TSHZ2: variants seen among roughly 807,000 people sequenced by gnomAD.
TSHZ2 encodes teashirt homolog 2.
Under a neutral mutation model 74.4 loss-of-function variants are expected in TSHZ2, and 21 were observed. The observed-to-expected ratio is 0.28, with a 90% CI of 0.20 to 0.41. TSHZ2 has a LOEUF of 0.41. TSHZ2 is among the 10% of genes least tolerant of loss of function. The probability of loss-of-function intolerance (pLI) is 1.00; values close to 1 mark genes in which losing one functional copy is unlikely to be tolerated. For synonymous variants in TSHZ2, 540 were observed against 515.3 expected, an observed-to-expected ratio of 1.05 and a Z score of -0.65; for missense variants, 1,244 against 1,293.5, an observed-to-expected ratio of 0.96 and a Z score of 0.59.
rs1190224523 is a variant in TSHZ2, at chr20:53,489,660, A to G, written c.*2525A>G. 6.5e-6 allele frequency: 1 copy of G among 154,952 alleles called. No homozygotes were observed. The highest frequency in any genetic ancestry group is 1.4e-5 in the Non-Finnish European group (1 of 69,780). The allele number at this position is 154,952 out of a possible 1,614,324, so 9.6% of individuals were successfully genotyped here. ...ATATGGTTTTGTTAGCGTAATTTCT[A>G]TGGTGGGTGGGGTGGGAGGTGAGAG... On this transcript the variant is annotated 3_prime_UTR_variant, in exon 3 of 3. Transcript: ENST00000371497.
At chr20:53,309,253 G>A (rs1242220103) in intron 2 of TSHZ2, among the ~76,000 whole-genome samples, 1 of 152,080 alleles carries the variant, frequency 6.6e-6, no homozygotes, top group Non-Finnish European at 1.5e-5. Flanking sequence ...CAGATTGTTG[G>A]GCTACTTCAA....
chr20:53,077,293 C>T (rs1395210324), intron 1 of TSHZ2, among the ~76,000 whole-genome samples: 1 of 151,754 alleles, frequency 6.6e-6, no homozygotes, highest in South Asian at 2.1e-4. Context: ...TGCGTGTAAT[C>T]CCAGCTACTT....
At chr20:53,079,295 T>C (rs1180609838) in intron 1 of TSHZ2, among the ~76,000 whole-genome samples, 2 of 152,026 alleles carry the variant, frequency 1.3e-5, no homozygotes, top group African/African-American at 2.4e-5. Context: ...AGTAGACCAA[T>C]GGGAGGAGAA....
At chr20:53,386,892 T>TA (rs397781715) in intron 2 of TSHZ2, among the ~76,000 whole-genome samples, 8 of 151,962 alleles carry the variant, frequency 5.3e-5, no homozygotes, top group Non-Finnish European at 1.2e-4. Flanking sequence ...TTTTTTTTTT[T>TA]AAATGAAATG....
chr20:53,232,762 G>A (rs1471654026), intron 1 of TSHZ2, among the ~76,000 whole-genome samples: 2 of 152,012 alleles, frequency 1.3e-5, no homozygotes, highest in African/African-American at 2.4e-5. Context: ...TGTTCTGTAT[G>A]GTCTGTTGTA....
At chr20:53,161,708 C>T (rs116505968) in intron 1 of TSHZ2, among the ~76,000 whole-genome samples, 185 of 152,262 alleles carry the variant, frequency 1.2e-3, no homozygotes, top group African/African-American at 4.2e-3. Context: ...GGAATCCGCC[C>T]GCATGATACC....
intron 1 of TSHZ2, among the ~76,000 whole-genome samples, chr20:53,013,046 T>TA (rs1224779502): frequency 1.3e-5 from 2 of 152,210 alleles, no homozygotes; most frequent in African/African-American, 2.4e-5. Context: ...TTTTACTTGA[T>TA]AAAAAATTCA....
chr20:53,293,059 G>A (rs1159556375), intron 2 of TSHZ2, among the ~76,000 whole-genome samples: 1 of 152,190 alleles, frequency 6.6e-6, no homozygotes. Context: ...TTGAAAACAA[G>A]AGCAAGAATT....
intron 2 of TSHZ2, among the ~76,000 whole-genome samples, chr20:53,469,662 A>G (rs1332411781): frequency 3.1e-5 from 2 of 63,966 alleles, no homozygotes; most frequent in Non-Finnish European, 3.3e-5. Flanking sequence ...GGAAGGAAGG[A>G]AGGAAGGAAG....
intron 2 of TSHZ2, among the ~76,000 whole-genome samples, chr20:53,378,787 A>T (rs1981753812): frequency 6.6e-6 from 1 of 152,218 alleles, no homozygotes; most frequent in Non-Finnish European, 1.5e-5. Flanking sequence ...TACCTTACAG[A>T]TGTTGCTTAG....
intron 1 of TSHZ2, among the ~76,000 whole-genome samples, chr20:53,246,032 C>CTTTTTTTTTT (rs1301181982): frequency 8.1e-6 from 1 of 123,236 alleles, no homozygotes; most frequent in African/African-American, 3.5e-5. Context: ...TTCTTTCTTT[C>CTTTTTTTTTT]TTTCTTTCTT....
At chr20:53,234,316 A>G (rs144345889) in intron 1 of TSHZ2, among the ~76,000 whole-genome samples, 1 of 152,328 alleles carries the variant, frequency 6.6e-6, no homozygotes, top group East Asian at 1.9e-4. Flanking sequence ...TCAAAGATTC[A>G]TGAAATTTTC....
In TSHZ2 at chr20:53,482,516, G is replaced by T. The variant is rs189112106; in HGVS notation, c.*9-4628G>T. Among the ~76,000 whole-genome samples, 378 of 152,252 alleles carry T rather than the reference G, an allele frequency of 2.5e-3. 2 individuals carry two copies. Among genetic ancestry groups the T allele is most frequent in the African/African-American group, 8.7e-3 (363 of 41,556 alleles). ...GAAAACTTCCTTGGTTTTCACACAGGAATCTGTCATTTGTGCTTATTTCAC... is the reference window on the plus strand; with the variant it reads ...GAAAACTTCCTTGGTTTTCACACAGTAATCTGTCATTTGTGCTTATTTCAC... On this transcript the variant is annotated intron_variant, in intron 2 of 2. Coordinates refer to ENST00000371497, the MANE Select transcript of TSHZ2 (RefSeq NM_173485.6).
chr20:53,168,240 C>T lies in TSHZ2; in HGVS notation c.41-85259C>T, dbSNP rs527396560. 2.4e-4 allele frequency among the ~76,000 whole-genome samples: 37 copies of T among 152,248 alleles called. 1 individual carries two copies. In the South Asian group the frequency reaches 7.3e-3, roughly 30 times the overall value. ...GGAGGCTGTCCTGTATATCGTCGGA[C>T]GTGTAGCCCCTACCCTCAGATACCA... is the stretch of plus-strand genomic sequence containing the variant. On this transcript the variant is annotated intron_variant, in intron 1 of 2. Transcript: ENST00000371497.
At chr20:53,454,449 C>G (rs952775482) in intron 2 of TSHZ2, among the ~76,000 whole-genome samples, 2 of 151,874 alleles carry the variant, frequency 1.3e-5, no homozygotes, top group Non-Finnish European at 2.9e-5. Context: ...GTAGTCCCAG[C>G]TACTCGGGAG....
chr20:53,308,987 G>A (rs572730531), intron 2 of TSHZ2, among the ~76,000 whole-genome samples: 1 of 152,310 alleles, frequency 6.6e-6, no homozygotes, highest in South Asian at 2.1e-4. Context: ...GAGAACTCAG[G>A]GGGCAAAAGA....
chr20:53,439,985 A>G (rs1175367295), intron 2 of TSHZ2, among the ~76,000 whole-genome samples: 1 of 152,212 alleles, frequency 6.6e-6, no homozygotes, highest in Non-Finnish European at 1.5e-5. Flanking sequence ...TATGTACACA[A>G]AACAGCAGGA....
At chr20:53,425,792 C>T (rs1217111618) in intron 2 of TSHZ2, among the ~76,000 whole-genome samples, 3 of 147,036 alleles carry the variant, frequency 2.0e-5, no homozygotes, top group East Asian at 2.1e-4. Flanking sequence ...TGTCATAAAA[C>T]GTTCTTTTGT....
At chr20:53,139,670 G>C (rs369078479) in intron 1 of TSHZ2, among the ~76,000 whole-genome samples, 5 of 152,160 alleles carry the variant, frequency 3.3e-5, no homozygotes, top group Non-Finnish European at 5.9e-5. Flanking sequence ...ACATGGCAAG[G>C]CCTCAAAAGT....
Sources: allele counts gnomAD v4.1 joint callset (sites outside exome capture counted in the v4.1 genomes callset), GRCh38; gene constraint gnomAD v4.1.1; transcripts MANE v1.5; gene names NCBI Gene and HGNC (gene_info 2026-07-23, HGNC 2026-07-21).